SYNRG: variants seen among roughly 807,000 people sequenced by gnomAD.
SYNRG encodes AP1 gamma subunit binding protein 1.
Under a neutral mutation model 130.9 loss-of-function variants are expected in SYNRG, and 37 were observed. That is an observed-to-expected ratio of 0.28 (90% CI 0.22 to 0.37). SYNRG has a LOEUF of 0.37. Ranked by LOEUF, SYNRG falls within the 10% of genes least tolerant of loss-of-function variation. The pLI is 1.00. For synonymous variants in SYNRG, 539 were observed against 568.1 expected (o/e 0.95, Z 0.73); for missense variants, 1,338 against 1,588.9 (o/e 0.84, Z 2.68).
chr17:37,595,460 A>G (rs2062678388), intron 3 of SYNRG, among the ~76,000 whole-genome samples: 1 of 152,220 alleles, frequency 6.6e-6, no homozygotes. Context: ...GCACATGGAC[A>G]TAAAGACAGG....
intron 14 of SYNRG, among the ~76,000 whole-genome samples, chr17:37,547,463 C>CT (rs35053528): frequency 0.065 from 9,031 of 138,952 alleles, 950 homozygotes; most frequent in African/African-American, 0.22. Flanking sequence ...TCATTTGCTG[C>CT]TTTTTTTTTT....
chr17:37,565,218 C>T (rs1207712812), intron 11 of SYNRG, among the ~76,000 whole-genome samples: 1 of 151,790 alleles, frequency 6.6e-6, no homozygotes, highest in Non-Finnish European at 1.5e-5. Flanking sequence ...GAGCCGAGAT[C>T]GCGCAACTGC....
intron 19 of SYNRG, among the ~76,000 whole-genome samples, chr17:37,533,100 T>C (rs79907838): frequency 0.015 from 2,266 of 152,302 alleles, 19 homozygotes; most frequent in Non-Finnish European, 0.023. Context: ...AGAAATTTCT[T>C]TCTGATATTC....
intron 6 of SYNRG, among the ~76,000 whole-genome samples, chr17:37,583,312 T>C (rs934424701): frequency 1.3e-5 from 2 of 152,222 alleles, no homozygotes; most frequent in Non-Finnish European, 2.9e-5. Flanking sequence ...CTTGACTAGC[T>C]TATTCACCTT....
intron 11 of SYNRG, 78 bp from the exon 12 acceptor site, chr17:37,561,667 G>T: frequency 9.4e-7 from 1 of 1,058,270 alleles, no homozygotes; most frequent in Non-Finnish European, 1.4e-6. Flanking sequence ...AATTAAAATG[G>T]CAAACAGGTA....
intron 1 of SYNRG, among the ~76,000 whole-genome samples, chr17:37,607,605 A>G (rs1031751120): frequency 1.1e-4 from 16 of 152,188 alleles, no homozygotes; most frequent in Admixed American, 9.2e-4. Flanking sequence ...CCTGGCTAAC[A>G]TGGTGAAACC....
chr17:37,523,379 AG>A (rs761247645), intron 19 of SYNRG, among the ~76,000 whole-genome samples: 15 of 152,152 alleles, frequency 9.9e-5, no homozygotes, highest in Non-Finnish European at 1.9e-4. Context: ...AGGCTGGTCT[AG>A]AACTTCTGGC....
At chr17:37,595,125 A>G (rs1248128966) in intron 3 of SYNRG, among the ~76,000 whole-genome samples, 1 of 152,220 alleles carries the variant, frequency 6.6e-6, no homozygotes, top group Non-Finnish European at 1.5e-5. Flanking sequence ...TTAAAAACCT[A>G]CACAATTTCA....
intron 14 of SYNRG, among the ~76,000 whole-genome samples, chr17:37,549,393 T>A (rs1296209209): frequency 1.3e-5 from 2 of 152,190 alleles, no homozygotes; most frequent in African/African-American, 2.4e-5. Context: ...GTTGCCACAT[T>A]TCATTGGTCC....
intron 14 of SYNRG, 67 bp from the exon 15 acceptor site, chr17:37,542,632 G>C: frequency 1.7e-6 from 2 of 1,165,012 alleles, no homozygotes; most frequent in Non-Finnish European, 2.4e-6. Context: ...AAACTCTGTA[G>C]AAGCAAAATG....
At chr17:37,554,152 C>T (rs2058923284) in intron 13 of SYNRG, 93 bp from the exon 14 acceptor site, 4 of 1,107,402 alleles carry the variant, frequency 3.6e-6, no homozygotes, top group Non-Finnish European at 5.1e-6. Context: ...ATTTTACTGA[C>T]TTTTCTCCAC....
intron 1 of SYNRG, among the ~76,000 whole-genome samples, chr17:37,608,630 G>A (rs2064032221): frequency 6.6e-6 from 1 of 152,134 alleles, no homozygotes; most frequent in Admixed American, 6.5e-5. Context: ...GTTTAACAGT[G>A]CACTTTCTTT....
intron 6 of SYNRG, among the ~76,000 whole-genome samples, chr17:37,582,996 G>GT (rs999006626): frequency 5.7e-3 from 826 of 145,132 alleles, no homozygotes; most frequent in Non-Finnish European, 7.5e-3. Context: ...TAGGTTTTTG[G>GT]TTTTTTTTTT....
chr17:37,528,075 G>T (rs1295677918), intron 19 of SYNRG, among the ~76,000 whole-genome samples: 1 of 152,222 alleles, frequency 6.6e-6, no homozygotes, highest in Non-Finnish European at 1.5e-5. Context: ...GTAGGAAGAA[G>T]AATGGACTCT....
intron 14 of SYNRG, among the ~76,000 whole-genome samples, chr17:37,546,428 G>C (rs1363649424): frequency 6.6e-6 from 1 of 152,198 alleles, no homozygotes; most frequent in Non-Finnish European, 1.5e-5. Flanking sequence ...ACATCTGTTT[G>C]CAATCAGGGA....
intron 10 of SYNRG, 62 bp downstream of exon 10, chr17:37,570,572 GGAA>G: frequency 6.5e-7 from 1 of 1,539,540 alleles, no homozygotes; most frequent in Non-Finnish European, 8.7e-7. Flanking sequence ...ATGTATCCCC[GGAA>G]AAAATGGTGC....
intron 19 of SYNRG, among the ~76,000 whole-genome samples, chr17:37,521,704 G>C (rs546246964): frequency 4.9e-4 from 74 of 152,298 alleles, no homozygotes; most frequent in African/African-American, 1.6e-3. Flanking sequence ...GAAGTCTGCT[G>C]TAGCAGTCCT....
intron 14 of SYNRG, among the ~76,000 whole-genome samples, chr17:37,551,842 G>A (rs1598291329): frequency 1.6e-5 from 2 of 124,844 alleles, no homozygotes; most frequent in African/African-American, 3.2e-5. Flanking sequence ...ACAAACAGCA[G>A]CAAAAAAATA....
At chr17:37,563,711 A>C (rs1368935388) in intron 11 of SYNRG, among the ~76,000 whole-genome samples, 1 of 151,794 alleles carries the variant, frequency 6.6e-6, no homozygotes, top group African/African-American at 2.4e-5. Flanking sequence ...TAATTTTTGC[A>C]TTTTTTGTAG....
Sources: allele counts gnomAD v4.1 joint callset (sites outside exome capture counted in the v4.1 genomes callset), GRCh38; gene constraint gnomAD v4.1.1; transcripts MANE v1.5; gene names NCBI Gene and HGNC (gene_info 2026-07-23, HGNC 2026-07-21).